The following SREBF1 variants were observed in gnomAD, a reference collection of about 807,000 sequenced individuals.
SREBF1 encodes sterol regulatory element-binding protein 1.
A neutral mutation model predicts 100.1 loss-of-function variants in SREBF1; 45 were observed. That is an observed-to-expected ratio of 0.45 (90% confidence interval 0.35 to 0.58). SREBF1 has a LOEUF of 0.58. Ranked by LOEUF, SREBF1 falls within the 20% of genes least tolerant of loss-of-function variation. The probability of loss-of-function intolerance (pLI) is 0.00; values close to 1 mark genes in which losing one functional copy is unlikely to be tolerated. For synonymous variants in SREBF1, 657 were observed against 681.8 expected (o/e 0.96, Z 0.57); for missense variants, 1,324 against 1,539.4 (o/e 0.86, Z 2.34).
chr17:17,818,817 G>A (rs2033857114), intron 5 of SREBF1, 196 bp downstream of exon 5: 1 of 675,584 alleles, frequency 1.5e-6, no homozygotes, highest in Non-Finnish European at 2.6e-6. Context: ...CCAATGCCTA[G>A]CACAGCCCCA....
intron 1 of SREBF1, among the ~76,000 whole-genome samples, chr17:17,829,299 C>T (rs1390859418): frequency 1.4e-5 from 2 of 146,856 alleles, no homozygotes; most frequent in South Asian, 2.2e-4. Flanking sequence ...TATATTTCTC[C>T]CTCTTGAGTT....
At position 17,824,808 on chromosome 17, in the gene SREBF1, T is replaced by G. The variant is rs2034377990; in HGVS notation, c.92-4287A>C. Among the ~76,000 whole-genome samples the G allele has an allele frequency of 1.3e-5, 2 of 152,118 alleles. No homozygotes were observed. The highest frequency in any genetic ancestry group is 1.3e-4 in the Admixed American group (2 of 15,276). On this transcript the variant is annotated intron_variant, in intron 1 of 18. Coordinates refer to ENST00000261646, the MANE Select transcript of SREBF1 (RefSeq NM_004176.5). The surrounding 1 kb of genome is among the most constrained non-coding windows in gnomAD (Gnocchi z 4.2). The stretch of plus-strand genomic sequence containing the variant: ...GGGGTCCCTGCGGCCTCAACCTTGC[T>G]CTCTATTCAGGACCCTAAGCAAGAA...
chr17:17,815,324 G>C lies in SREBF1; in HGVS notation c.2389C>G (p.Pro797Ala). The part of the protein sequence containing the change: ...LYSLAGNPVD[P>A]LAQVTQLFRE... ...AATAGCTGAGTCACCTGGGCCAGGG[G>C]GTCCACTGTGGAGAGGAGGAGGTGA... The change falls in exon 13 of 19, where the codon CCC becomes GCC. Residue 797 changes from proline to alanine, a missense_variant. Transcript: ENST00000261646. 6.2e-7 allele frequency: 1 copy of C among 1,613,288 alleles called. No individual in the cohort carries two copies. The highest frequency in any genetic ancestry group is 8.5e-7 in the Non-Finnish European group (1 of 1,179,772).
intron 1 of SREBF1, among the ~76,000 whole-genome samples, chr17:17,829,208 ATATATAT>A (rs774349933): frequency 0.52 from 49,760 of 95,324 alleles, 13,608 homozygotes; most frequent in Non-Finnish European, 0.61. Flanking sequence ...AAAAAAAAAT[ATATATAT>A]ATATATATAT....
In SREBF1 at chr17:17,816,986, C is replaced by T. The variant is rs147642834; in HGVS notation, c.1757G>A (p.Arg586His). The change falls in exon 9 of 19, where the codon CGC becomes CAC. Residue 586 changes from arginine to histidine, a missense_variant. Arg to His is a conservative substitution (Grantham distance 29). Transcript: ENST00000261646. ...GGCCAGGTCCAGGTCAGCCTGCTTG[C>T]GATGCCTCCAGAAGTACACGGCGGG... ...SGPAVYFWRHRKQADLDLARG... is the reference protein window; with the variant it reads ...SGPAVYFWRHHKQADLDLARG... 1.4e-5 allele frequency: 23 copies of T among 1,613,048 alleles called. No homozygotes were observed. Among genetic ancestry groups the T allele is most frequent in the East Asian group, 8.9e-5 (4 of 44,886 alleles).
At position 17,816,601 on chromosome 17, in the gene SREBF1, G is replaced by A. The variant is rs1234824792; in HGVS notation, c.1903C>T (p.Leu635=). The A allele has an allele frequency of 1.2e-6, 2 of 1,606,180 alleles. No individual in the cohort carries two copies. Among genetic ancestry groups the A allele is most frequent in the East Asian group, 4.5e-5 (2 of 44,626 alleles). Residue 635 remains leucine, a synonymous_variant, in exon 10 of 19, where the codon CTG becomes TTG. Transcript: ENST00000261646. ...CSLLWNLIRH[L]LQRLWVGRWL... ...CGGCCCACCCAGAGACGCTGCAGCA[G>A]GTGACGGATGAGGTTCCAGAGGAGG...
intron 1 of SREBF1, 92 bp downstream of exon 1, chr17:17,836,635 G>A: frequency 1.5e-6 from 2 of 1,304,636 alleles, no homozygotes; most frequent in Middle Eastern, 1.8e-4. Context: ...CGGAGCTGGC[G>A]CCCGTGGGGG....
At position 17,819,234 on chromosome 17, in the gene SREBF1, T is replaced by C; in HGVS notation, c.847A>G (p.Thr283Ala). ...AAGATGGTTCCGCCACTCACCAGGGTCTGCAGGGCCAGGCACATGTTACCA... is the reference window on the plus strand; with the variant it reads ...AAGATGGTTCCGCCACTCACCAGGGCCTGCAGGGCCAGGCACATGTTACCA... ...GTTVQTGPLP[T>A]LVSGGTILAT... Residue 283 changes from threonine to alanine, a missense_variant and splice_region_variant, in exon 5 of 19, where the codon ACC becomes GCC. By Grantham distance (58) the Thr-to-Ala change is moderately conservative (BLOSUM62 0). Coordinates refer to ENST00000261646, the MANE Select transcript of SREBF1 (RefSeq NM_004176.5). 1 of 1,614,006 alleles carries C rather than the reference T, an allele frequency of 6.2e-7. No individual in the cohort carries two copies. Among genetic ancestry groups the C allele is most frequent in the Non-Finnish European group, 8.5e-7 (1 of 1,180,024 alleles).
rs558364254 is a variant in SREBF1, at chr17:17,834,610, C to A, written c.91+2117G>T. ...ACTCTCTCATAGACTAGACCTTGGG[C>A]CACATGGCTGCCCATGCCTGGCCTT... On this transcript the variant is annotated intron_variant, in intron 1 of 18. Transcript: ENST00000261646. Among the ~76,000 whole-genome samples the A allele has an allele frequency of 1.1e-4, 16 of 152,370 alleles. No individual in the cohort carries two copies. In the South Asian group the frequency reaches 2.7e-3, roughly 26 times the overall value.
chr17:17,816,085 G>GC lies in SREBF1; in HGVS notation c.2215-58dup, dbSNP rs1207035973. On this transcript the variant is annotated intron_variant, in intron 11 of 18. Coordinates refer to ENST00000261646, the MANE Select transcript of SREBF1 (RefSeq NM_004176.5). ...GACACAGCCTGGGGCCAGACCCCGG[G>GC]CCGAGTCCCAGCTTGGCCTGGAGTC... The GC allele has an allele frequency of 2.8e-5, 44 of 1,583,140 alleles. 1 individual carries two copies. In the South Asian group the frequency reaches 3.4e-4, roughly 12 times the overall value.
Position 17,817,386 on chromosome 17 carries a change from C to A in SREBF1, c.1476G>T (p.Thr492=), listed in dbSNP as rs781342104. Residue 492 remains threonine (T), a synonymous_variant, in exon 8 of 19, where the codon ACG becomes ACT. Coordinates refer to ENST00000261646, the MANE Select transcript of SREBF1 (RefSeq NM_004176.5). This position sits in a 1 kb window ranked among gnomAD's most constrained non-coding sequence, Gnocchi z 6.6. ...MLDRSRLALC[T]LVFLCLSCNP... ...TGCAGGACAGGCAGAGGAAGACGAG[C>A]GTGCACAGGGCCAGGCGGGAGCGGT... 1 of 1,606,208 alleles carries A rather than the reference C, an allele frequency of 6.2e-7. No homozygotes were observed. Among genetic ancestry groups the A allele is most frequent in the Admixed American group, 1.7e-5 (1 of 59,018 alleles).
chr17:17,830,317 C>T (rs1355080204), intron 1 of SREBF1, among the ~76,000 whole-genome samples: 1 of 152,254 alleles, frequency 6.6e-6, no homozygotes, highest in Non-Finnish European at 1.5e-5. Flanking sequence ...GCGTGAGCCA[C>T]TGCATCTGGC....
At position 17,820,334 on chromosome 17, in the gene SREBF1, C is replaced by T. The variant is rs111725386; in HGVS notation, c.279G>A (p.Ala93=). The T allele has an allele frequency of 2.6e-5, 42 of 1,613,152 alleles. 1 individual carries two copies. Among genetic ancestry groups the T allele is most frequent in the African/African-American group, 9.3e-5 (7 of 74,976 alleles). Residue 93 remains alanine, a synonymous_variant, in exon 2 of 19, where the codon GCG becomes GCA. Transcript: ENST00000261646. ...LEAFLSGPQA[A]PSPLSPPQPA... ...GCTGGGGAGGGGACAGGGGTGAGGG[C>T]GCTGCCTGCGGCCCGCTCAGGAAGG...
chr17:17,812,750 CG>C lies in SREBF1; in HGVS notation c.3315del (p.Gln1107SerfsTer100), dbSNP rs1345666686. The C allele has an allele frequency of 6.5e-7, 1 of 1,548,494 alleles. No homozygotes were observed. The highest frequency in any genetic ancestry group is 8.7e-7 in the Non-Finnish European group (1 of 1,146,660). Reference sequence around the variant, plus strand: ...TCAGCCAGCATGCCCACGCGCTGCCCGGGCGCCGACAGGAAGCCGGGGGGCA... The same window carrying C: ...TCAGCCAGCATGCCCACGCGCTGCCCGGCGCCGACAGGAAGCCGGGGGGCA... ...CYLPPGFLSAPGQRVGMLAEA... is the reference protein window; with the variant it reads ...CYLPPGFLSAXGQRVGMLAEA... On this transcript the variant is annotated frameshift_variant, in exon 19 of 19. Transcript: ENST00000261646. LOFTEE classifies it high-confidence loss of function.
At chr17:17,830,512 T>C (rs11657130) in intron 1 of SREBF1, among the ~76,000 whole-genome samples, 68,474 of 152,200 alleles carry the variant, frequency 0.45, 18,487 homozygotes, top group Non-Finnish European at 0.63. Context: ...TAGGGCTGCT[T>C]GTTAAGACCC....
chr17:17,812,697 G>T lies in SREBF1; in HGVS notation c.3369C>A (p.Gly1123=). 1 of 1,604,330 alleles carries T rather than the reference G, an allele frequency of 6.2e-7. No individual in the cohort carries two copies. The highest frequency in any genetic ancestry group is 1.1e-5 in the South Asian group (1 of 89,640). The change falls in exon 19 of 19, where the codon GGC becomes GGA. Residue 1123 remains glycine (G), a synonymous_variant. Coordinates refer to ENST00000261646, the MANE Select transcript of SREBF1 (RefSeq NM_004176.5). ...GACAGTCGTGCAGCAGCCGGCGATC[G>T]CCAAGCTTCTCGAGTGTGCGCGCCG... The part of the protein sequence containing the change: ...AEAARTLEKL[G]DRRLLHDCQQ...
At chr17:17,831,978 G>C (rs1361811499) in intron 1 of SREBF1, among the ~76,000 whole-genome samples, 5 of 152,208 alleles carry the variant, frequency 3.3e-5, no homozygotes, top group Admixed American at 3.3e-4. Flanking sequence ...CACTGCTCTG[G>C]ACTGGGATGG....
rs926736198 is a variant in SREBF1, at chr17:17,814,382, A to T, written c.2764T>A (p.Ser922Thr). Residue 922 changes from serine (S) to threonine (T), a missense_variant, in exon 16 of 19, where the codon TCC becomes ACC. Coordinates refer to ENST00000261646, the MANE Select transcript of SREBF1 (RefSeq NM_004176.5). ...ERPLPRAALH[S>T]FKAARALLGC... The stretch of plus-strand genomic sequence containing the variant: ...AGCAGGGCCCGGGCAGCCTTGAAGG[A>T]GTGCAGAGCTGCCCTGGGCAGGGGT... 27 of 1,563,186 alleles carry T rather than the reference A, an allele frequency of 1.7e-5. No individual in the cohort carries two copies. The highest frequency in any genetic ancestry group is 2.7e-5 in the African/African-American group (2 of 73,856).
In SREBF1 at chr17:17,823,654, GCCCGC is replaced by G. The variant is rs967139896; in HGVS notation, c.92-3138_92-3134del. On this transcript the variant is annotated intron_variant, in intron 1 of 18. Coordinates refer to ENST00000261646, the MANE Select transcript of SREBF1 (RefSeq NM_004176.5). ...TTGAAGCCGTTGAGCGCTGCGGCGC[GCCCGC>G]CCCGCCCCGCCCCGCCCCCAGCCCC... 2.1e-3 allele frequency: 2,950 copies of G among 1,380,320 alleles called. 18 individuals carry two copies. The highest frequency in any genetic ancestry group is 3.9e-3 in the African/African-American group (271 of 68,674). 85.5% of individuals were successfully genotyped at this position (1,380,320 alleles called of 1,614,324 possible). A position where few individuals can be genotyped will look rare whatever the true frequency, so the allele number is the denominator to read the frequency against.
Sources: gnomAD v4.1 joint callset for allele counts (sites outside exome capture counted in the v4.1 genomes callset) on GRCh38, gnomAD v4.1.1 for gene constraint, Gnocchi (gnomAD v3.1) non-coding constraint, MANE v1.5 for transcripts, NCBI Gene and HGNC (gene_info 2026-07-23, HGNC 2026-07-21) for gene names.